Variants in KMT2D observed in about 807,000 individuals in gnomAD.
The protein encoded by KMT2D is lysine methyltransferase 2D, also known as histone-lysine N-methyltransferase 2D.
A neutral mutation model predicts 512.7 loss-of-function variants in KMT2D; 55 were observed. That is an observed-to-expected ratio of 0.11 (90% CI 0.09 to 0.13). The LOEUF is 0.13. Ranked by LOEUF, KMT2D falls within the 10% of genes least tolerant of loss-of-function variation. The probability of loss-of-function intolerance (pLI) is 1.00; values close to 1 mark genes in which losing one functional copy is unlikely to be tolerated. For synonymous variants in KMT2D, 2,995 were observed against 2,904.0 expected (o/e 1.03, Z -1.01); for missense variants, 6,061 against 7,127.9 (o/e 0.85, Z 5.39).
Position 49,060,600 on chromosome 12 carries a change from C to A in KMT2D, c.-1025G>T, listed in dbSNP as rs558418271. ...CAGCGCGGCGCCGCTCCGCCTCCCC[C>A]CCTCCGCCTCCTGTTCGGCCGGTAG... On this transcript the variant is annotated 5_prime_UTR_variant, in exon 1 of 55. Coordinates refer to ENST00000301067, the MANE Select transcript of KMT2D (RefSeq NM_003482.4). Among the ~76,000 whole-genome samples, 12 of 152,326 alleles carry A rather than the reference C, an allele frequency of 7.9e-5. No homozygotes were observed. In the South Asian group the frequency reaches 1.9e-3, roughly 24 times the overall value.
rs1453597957 is a variant in KMT2D, at chr12:49,040,870, C to T, written c.6900G>A (p.Gly2300=). 2 of 1,613,632 alleles carry T rather than the reference C, an allele frequency of 1.2e-6. No individual in the cohort carries two copies. Among genetic ancestry groups the T allele is most frequent in the African/African-American group, 1.3e-5 (1 of 74,868 alleles). Residue 2300 remains glycine, a synonymous_variant, in exon 32 of 55, where the codon GGG becomes GGA. Coordinates refer to ENST00000301067, the MANE Select transcript of KMT2D (RefSeq NM_003482.4). ...EELGASSPSY[G]PPNLGFVDSP... ...AGTCAACAAAGCCCAGGTTTGGGGG[C>T]CCATAGCTAGGAGAGGATGCCCCAA...
rs1942703502 is a variant in KMT2D at position 49,028,148 on chromosome 12, G to A, written c.14383-7C>T. The A allele has an allele frequency of 1.2e-6, 2 of 1,613,894 alleles. No individual in the cohort carries two copies. Among genetic ancestry groups the A allele is most frequent in the Non-Finnish European group, 1.7e-6 (2 of 1,179,858 alleles). On this transcript the variant is annotated splice_polypyrimidine_tract_variant and splice_region_variant and intron_variant, in intron 46 of 54. Coordinates refer to ENST00000301067, the MANE Select transcript of KMT2D (RefSeq NM_003482.4). ...CCATCACGCCATTCAGGTTCTGCCA[G>A]GGCCAGGGAAGGGATGGAAGAAACA... is the stretch of plus-strand genomic sequence containing the variant.
chr12:49,026,281 G>A lies in KMT2D; in HGVS notation c.15685C>T (p.Arg5229Cys), dbSNP rs914453109. 8.1e-6 allele frequency: 13 copies of A among 1,611,690 alleles called. No homozygotes were observed. Among genetic ancestry groups the A allele is most frequent in the Middle Eastern group, 1.7e-4 (1 of 6,058 alleles). ...LRTNNRRCCY[R>C]CSIGENNGRP... ...CCGTTGTTCTCACCAATAGAACAGC[G>A]ATAGCAGCAGCGACGATTGTTGGTG... Residue 5229 changes from arginine to cysteine, a missense_variant, in exon 49 of 55, where the codon CGC (arginine) becomes TGC (cysteine). Transcript: ENST00000301067. This position sits in a 1 kb window ranked among gnomAD's most constrained non-coding sequence, Gnocchi z 9.6.
chr12:49,058,817 C>T (rs991101020), intron 1 of KMT2D, among the ~76,000 whole-genome samples: 1 of 152,152 alleles, frequency 6.6e-6, no homozygotes, highest in Non-Finnish European at 1.5e-5. Flanking sequence ...CGGGAGAAGG[C>T]AAAAGACAAA....
intron 1 of KMT2D, among the ~76,000 whole-genome samples, chr12:49,056,123 G>A (rs1938392558): frequency 6.6e-6 from 1 of 152,190 alleles, no homozygotes; most frequent in Non-Finnish European, 1.5e-5. Flanking sequence ...TAACAGAAGT[G>A]GACCTTGAGA....
chr12:49,038,197 A>C lies in KMT2D; in HGVS notation c.9159T>G (p.Thr3053=). ...TGTCCCCAGTGTCCAGCTCAGGATC[A>C]GTATATGCCAGCAGGTCAAACTCGT... ...NGDEFDLLAY[T]DPELDTGDKK... Residue 3053 remains threonine, a synonymous_variant, in exon 35 of 55, where the codon ACT becomes ACG. Coordinates refer to ENST00000301067, the MANE Select transcript of KMT2D (RefSeq NM_003482.4). This position sits in a 1 kb window ranked among gnomAD's most constrained non-coding sequence, Gnocchi z 5.7. The C allele has an allele frequency of 6.2e-7, 1 of 1,613,880 alleles. No homozygotes were observed. Among genetic ancestry groups the C allele is most frequent in the Non-Finnish European group, 8.5e-7 (1 of 1,179,900 alleles).
rs3741624 is a variant in KMT2D, at chr12:49,038,480, G to T, written c.8876C>A (p.Thr2959Asn). Residue 2959 changes from threonine to asparagine, a missense_variant, in exon 35 of 55, where the codon ACT becomes AAT. Around this residue, in one of 16 missense-constraint regions of KMT2D, gnomAD observed 527 missense variants for 578.9 expected, o/e 0.91. Transcript: ENST00000301067. This position sits in a 1 kb window ranked among gnomAD's most constrained non-coding sequence, Gnocchi z 5.7. The part of the protein sequence containing the change: ...TPHTKGPTLP[T>N]GLELVNRPPS... ...GGGCCGGTTGACCAGCTCCAAACCA[G>T]TTGGCAGGGTAGGACCCTTGGTGTG... 1.2e-6 allele frequency: 2 copies of T among 1,607,516 alleles called. No individual in the cohort carries two copies. Among genetic ancestry groups the T allele is most frequent in the East Asian group, 4.5e-5 (2 of 44,772 alleles).
At chr12:49,049,561 G>A (rs1047163940) in intron 12 of KMT2D, 121 bp downstream of exon 12, 1 of 1,109,312 alleles carries the variant, frequency 9.0e-7, no homozygotes, top group Non-Finnish European at 1.2e-6. Flanking sequence ...TTAATAACTG[G>A]AATAAAGGAT....
At position 49,041,715 on chromosome 12, in the gene KMT2D, A is replaced by G; in HGVS notation, c.6184-10T>C. On this transcript the variant is annotated splice_polypyrimidine_tract_variant and intron_variant, in intron 30 of 54. Coordinates refer to ENST00000301067, the MANE Select transcript of KMT2D (RefSeq NM_003482.4). This position sits in a 1 kb window ranked among gnomAD's most constrained non-coding sequence, Gnocchi z 5.4. ...TATCTTTGGCCTTTTGCTGAGGGATATGGGACACAGCCTTAGGGCCTAGTG... is the reference window on the plus strand; with the variant it reads ...TATCTTTGGCCTTTTGCTGAGGGATGTGGGACACAGCCTTAGGGCCTAGTG... 5 of 1,608,812 alleles carry G rather than the reference A, an allele frequency of 3.1e-6. No homozygotes were observed. Among genetic ancestry groups the G allele is most frequent in the Non-Finnish European group, 3.4e-6 (4 of 1,177,386 alleles).
Position 49,051,335 on chromosome 12 carries a change from G to A in KMT2D, c.2348C>T (p.Pro783Leu), listed in dbSNP as rs1937987097. 1 of 1,597,770 alleles carries A rather than the reference G, an allele frequency of 6.3e-7. No homozygotes were observed. Among genetic ancestry groups the A allele is most frequent in the Non-Finnish European group, 8.5e-7 (1 of 1,169,756 alleles). Residue 783 changes from proline (P) to leucine (L), a missense_variant, in exon 11 of 55, where the codon CCT (proline) becomes CTT (leucine). This residue lies in a region of KMT2D where 848 missense variants were observed against 838.5 expected (regional missense o/e 1.01). Coordinates refer to ENST00000301067, the MANE Select transcript of KMT2D (RefSeq NM_003482.4). ...CTGGGGGGACAAGTGTGGCTCCTCA[G>A]GCACAGCGCATAGGCATGGCTCCTC... is the stretch of plus-strand genomic sequence containing the variant. ...QPEEPCLCAVPEEPHLSPQAE... is the reference protein window; with the variant it reads ...QPEEPCLCAVLEEPHLSPQAE...
chr12:49,051,550 C>A lies in KMT2D; in HGVS notation c.2133G>T (p.Pro711=). Reference sequence around the variant, plus strand: ...GCGGCAGGGACATGAGCGAGTCCTCCGGTGGTGGGGAAGCAGGTGAGTCCT... The same window carrying A: ...GCGGCAGGGACATGAGCGAGTCCTCAGGTGGTGGGGAAGCAGGTGAGTCCT... ...PPEDSPASPP[P]EDSLMSLPLE... Residue 711 remains proline, a synonymous_variant, in exon 11 of 55, where the codon CCG becomes CCT. Transcript: ENST00000301067. 1 of 1,610,006 alleles carries A rather than the reference C, an allele frequency of 6.2e-7. No individual in the cohort carries two copies. The highest frequency in any genetic ancestry group is 1.1e-5 in the South Asian group (1 of 90,810).
Position 49,032,040 on chromosome 12 carries a change from AGCT to A in KMT2D, c.12662_12664del (p.Gln4221del), listed in dbSNP as rs754290613. On this transcript the variant is annotated inframe_deletion, in exon 40 of 55. Coordinates refer to ENST00000301067, the MANE Select transcript of KMT2D (RefSeq NM_003482.4). ...CTGCCGCTGCATGAGGAGTGCCTGT[AGCT>A]GCTGCTGCTGCTGAGGACTTAAGTG... 1.4e-5 allele frequency: 22 copies of A among 1,612,658 alleles called. No individual in the cohort carries two copies. Among genetic ancestry groups the A allele is most frequent in the Admixed American group, 3.3e-5 (2 of 59,946 alleles).
In KMT2D at chr12:49,031,959, T is replaced by C. The variant is rs1942938799; in HGVS notation, c.12746A>G (p.Gln4249Arg). ...QTPPYQEPGTQTSPLQGLLGC... is the reference protein window; with the variant it reads ...QTPPYQEPGTRTSPLQGLLGC... Reference sequence around the variant, plus strand: ...CAGGAGGCCCTGGAGGGGAGAGGTCTGGGTCCCAGGCTCCTGGTAGGGTGG... The same window carrying C: ...CAGGAGGCCCTGGAGGGGAGAGGTCCGGGTCCCAGGCTCCTGGTAGGGTGG... The change falls in exon 40 of 55, where the codon CAG becomes CGG. Residue 4249 changes from glutamine (Q) to arginine (R), a missense_variant. Transcript: ENST00000301067. 3.8e-6 allele frequency: 6 copies of C among 1,564,270 alleles called. No homozygotes were observed. Among genetic ancestry groups the C allele is most frequent in the Non-Finnish European group, 5.2e-6 (6 of 1,153,288 alleles).
In KMT2D at chr12:49,042,306, C is replaced by T. The variant is rs761930376; in HGVS notation, c.5892G>A (p.Pro1964=). 65 of 1,552,264 alleles carry T rather than the reference C, an allele frequency of 4.2e-5. No individual in the cohort carries two copies. The highest frequency in any genetic ancestry group is 3.4e-4 in the Middle Eastern group (2 of 5,882). ...AGGGGCTGTCGGGCTCACCGGGTTCCGGGCTAAAGAAGCCCCCGCGCTCCC... is the reference window on the plus strand; with the variant it reads ...AGGGGCTGTCGGGCTCACCGGGTTCTGGGCTAAAGAAGCCCCCGCGCTCCC... ...DSRERGGFFS[P]EPGEPDSPWT... The change falls in exon 29 of 55, where the codon CCG becomes CCA. Residue 1964 remains proline (P), a synonymous_variant. Coordinates refer to ENST00000301067, the MANE Select transcript of KMT2D (RefSeq NM_003482.4). The surrounding 1 kb of genome is among the most constrained non-coding windows in gnomAD (Gnocchi z 4.4).
At chr12:49,031,118 GC>G (rs1366057195) in intron 40 of KMT2D, 56 bp downstream of exon 40, 3 of 1,609,554 alleles carry the variant, frequency 1.9e-6, no homozygotes, top group East Asian at 4.5e-5. Context: ...CACTCATTCT[GC>G]CCCCCGCTGG....
intron 48 of KMT2D, 129 bp downstream of exon 48, chr12:49,027,674 C>T: frequency 8.2e-7 from 1 of 1,221,424 alleles, no homozygotes; most frequent in Non-Finnish European, 1.1e-6. Context: ...AGGCTGGTCT[C>T]AAACTCCTGG....
chr12:49,019,065 T>TA lies in KMT2D; in HGVS notation c.*2714dup, dbSNP rs1387425511. 7.4e-7 allele frequency: 1 copy of TA among 1,346,302 alleles called. No individual in the cohort carries two copies. The highest frequency in any genetic ancestry group is 9.6e-7 in the Non-Finnish European group (1 of 1,046,968). The allele number at this position is 1,346,302 out of a possible 1,614,324, so 83.4% of individuals were successfully genotyped here. On this transcript the variant is annotated 3_prime_UTR_variant, in exon 55 of 55. Transcript: ENST00000301067. Reference sequence around the variant, plus strand: ...AACTTGCCCTTTGCCTCTCGCAACATAAATATGTACAGTTCAGAATGATCG... The same window carrying TA: ...AACTTGCCCTTTGCCTCTCGCAACATAAAATATGTACAGTTCAGAATGATCG...
At position 49,040,314 on chromosome 12, in the gene KMT2D, G is replaced by A. The variant is rs1292048668; in HGVS notation, c.7456C>T (p.His2486Tyr). ...AACCCCCCAGCCCCCAGCGAAGTGT[G>A]GGCTAGAGACCCAGCCTTAAAGGCA... ...EVAFKAGSLA[H>Y]TSLGAGGFPA... is the part of the protein sequence containing the mutation. Residue 2486 changes from histidine (H) to tyrosine (Y), a missense_variant, in exon 32 of 55, where the codon CAC becomes TAC. By Grantham distance (83) the His-to-Tyr change is moderately conservative. This residue lies in a region of KMT2D where 710 missense variants were observed against 647.3 expected (regional missense o/e 1.10). Coordinates refer to ENST00000301067, the MANE Select transcript of KMT2D (RefSeq NM_003482.4). 39 of 1,584,600 alleles carry A rather than the reference G, an allele frequency of 2.5e-5. No individual in the cohort carries two copies. The highest frequency in any genetic ancestry group is 3.3e-5 in the Non-Finnish European group (39 of 1,164,964).
In KMT2D at chr12:49,040,624, T is replaced by C. The variant is rs375481643; in HGVS notation, c.7146A>G (p.Pro2382=). Reference sequence around the variant, plus strand: ...GCGGAGGTTGGGGCCGAGGAGTCAATGGGGGCTGAGCATATGGGTCAGTGT... The same window carrying C: ...GCGGAGGTTGGGGCCGAGGAGTCAACGGGGGCTGAGCATATGGGTCAGTGT... The part of the protein sequence containing the change: ...GSYTDPYAQP[P]LTPRPQPPPP... Residue 2382 remains proline, a synonymous_variant, in exon 32 of 55, where the codon CCA becomes CCG. Transcript: ENST00000301067. 8 of 1,610,176 alleles carry C rather than the reference T, an allele frequency of 5.0e-6. No homozygotes were observed. Among genetic ancestry groups the C allele is most frequent in the Non-Finnish European group, 6.8e-6 (8 of 1,178,614 alleles).
Sources: gnomAD v4.1 joint callset for allele counts (sites outside exome capture counted in the v4.1 genomes callset) on GRCh38, gnomAD v4.1.1 for gene constraint, gnomAD v4.1.1 regional missense constraint, Gnocchi (gnomAD v3.1) non-coding constraint, MANE v1.5 for transcripts, NCBI Gene and HGNC (gene_info 2026-07-23, HGNC 2026-07-21) for gene names.